Variants in AUH observed in about 807,000 individuals in gnomAD.
The protein encoded by AUH is AU RNA binding methylglutaconyl-CoA hydratase.
In AUH, 29 loss-of-function variants were observed where a neutral mutation model predicts 42.3. The ratio of observed to expected loss-of-function variants is 0.69; its 90% CI spans 0.51 to 0.93. The LOEUF (loss-of-function observed/expected upper bound fraction) is 0.93. Among genes scored for constraint, AUH ranks in the 40% least tolerant of loss-of-function variants. AUH has a pLI of 0.00. For missense variants in AUH, 452 were observed against 438.1 expected, an observed-to-expected ratio of 1.03 and a Z score of -0.28; for synonymous variants, 174 against 166.4, an observed-to-expected ratio of 1.05 and a Z score of -0.35.
chr9:91,216,240 G>T, intron 8 of AUH, 134 bp from the exon 9 acceptor site: 1 of 897,636 alleles, frequency 1.1e-6, no homozygotes, highest in Non-Finnish European at 1.8e-6. Context: ...ATCAGAGTGT[G>T]ACCAACATGA....
intron 6 of AUH, among the ~76,000 whole-genome samples, chr9:91,251,278 T>C (rs1181887181): frequency 6.6e-6 from 1 of 152,176 alleles, no homozygotes; most frequent in Admixed American, 6.5e-5. Context: ...TGAGCTCTTA[T>C]CAAGACATGA....
intron 6 of AUH, among the ~76,000 whole-genome samples, chr9:91,252,051 C>T (rs1164561983): frequency 1.3e-5 from 2 of 152,132 alleles, no homozygotes; most frequent in African/African-American, 4.8e-5. Context: ...ACTGCAACCT[C>T]CACCTCCCCG....
chr9:91,268,252 T>C (rs1395656717), intron 6 of AUH, among the ~76,000 whole-genome samples: 1 of 152,216 alleles, frequency 6.6e-6, no homozygotes, highest in African/African-American at 2.4e-5. Context: ...TTCAGCAGTA[T>C]TCCATAGGTC....
intron 4 of AUH, among the ~76,000 whole-genome samples, chr9:91,315,159 G>A (rs1315754431): frequency 3.3e-5 from 5 of 152,182 alleles, no homozygotes; most frequent in South Asian, 4.1e-4. Context: ...GGCTGGTCTC[G>A]AACTCCTGAC....
rs377282446 is a variant in AUH at position 91,259,179 on chromosome 9, A to C, written c.655+36842T>G. 7.9e-5 allele frequency among the ~76,000 whole-genome samples: 12 copies of C among 152,314 alleles called. No individual in the cohort carries two copies. The East Asian group carries it at 2.3e-3, about 29-fold the overall frequency. ...TCTTTGTGGAAAAATTCTTAATTAC[A>C]AATTCAATTTCTTAAAAAAGTACAG... On this transcript the variant is annotated intron_variant, in intron 6 of 9. Transcript: ENST00000375731.
At chr9:91,216,218 A>G (rs1826812744) in intron 8 of AUH, 112 bp from the exon 9 acceptor site, 2 of 1,051,408 alleles carry the variant, frequency 1.9e-6, no homozygotes, top group Admixed American at 1.9e-5. Flanking sequence ...ATCCTTTGAT[A>G]TAGTACAGCA....
intron 3 of AUH, among the ~76,000 whole-genome samples, chr9:91,332,831 C>T (rs1830429441): frequency 6.6e-6 from 1 of 152,156 alleles, no homozygotes; most frequent in African/African-American, 2.4e-5. Flanking sequence ...AAAATGGGGG[C>T]GTGAGCATGG....
At position 91,256,881 on chromosome 9, in the gene AUH, T is replaced by A. The variant is rs1025781098; in HGVS notation, c.656-35889A>T. ...GACCCTTACACAGAGAGACAGCCTATGAGGCAAAGACATGAGTTACGATTA... is the reference window on the plus strand; with the variant it reads ...GACCCTTACACAGAGAGACAGCCTAAGAGGCAAAGACATGAGTTACGATTA... On this transcript the variant is annotated intron_variant, in intron 6 of 9. Coordinates refer to ENST00000375731, the MANE Select transcript of AUH (RefSeq NM_001698.3). 1.2e-4 allele frequency among the ~76,000 whole-genome samples: 19 copies of A among 152,078 alleles called. 1 individual carries two copies. The highest frequency in any genetic ancestry group is 4.1e-4 in the African/African-American group (17 of 41,366).
At chr9:91,328,207 G>A (rs570176829) in intron 3 of AUH, among the ~76,000 whole-genome samples, 36 of 152,198 alleles carry the variant, frequency 2.4e-4, no homozygotes, top group Admixed American at 9.8e-4. Context: ...GCACTTACGC[G>A]CTCTCCTTGG....
At chr9:91,294,543 T>C in intron 6 of AUH, 1 of 364,118 alleles carries the variant, frequency 2.7e-6, no homozygotes, top group South Asian at 2.1e-5. Flanking sequence ...CGAGACTCCG[T>C]CTCAAAAAAA....
intron 3 of AUH, among the ~76,000 whole-genome samples, chr9:91,336,332 C>G (rs1261981212): frequency 2.6e-5 from 4 of 151,906 alleles, no homozygotes; most frequent in Non-Finnish European, 5.9e-5. Context: ...TGTTAACAGA[C>G]AGAAATAAAC....
chr9:91,253,623 G>A (rs1019323836), intron 6 of AUH, among the ~76,000 whole-genome samples: 1 of 152,154 alleles, frequency 6.6e-6, no homozygotes, highest in Non-Finnish European at 1.5e-5. Context: ...TGACTTTCAC[G>A]GGTTTGTGGC....
intron 4 of AUH, among the ~76,000 whole-genome samples, chr9:91,315,455 C>G (rs1412808643): frequency 2.0e-5 from 3 of 152,204 alleles, no homozygotes; most frequent in African/African-American, 7.2e-5. Flanking sequence ...CCCTTTACCC[C>G]ACCTTCCAAG....
intron 3 of AUH, among the ~76,000 whole-genome samples, chr9:91,328,181 G>GACATCAC (rs1830089384): frequency 6.6e-6 from 1 of 152,108 alleles, no homozygotes; most frequent in Non-Finnish European, 1.5e-5. Context: ...TCTCCTTGGG[G>GACATCAC]ACATCACTCA....
chr9:91,245,843 C>T (rs967397185), intron 6 of AUH, among the ~76,000 whole-genome samples: 1 of 152,088 alleles, frequency 6.6e-6, no homozygotes, highest in Non-Finnish European at 1.5e-5. Context: ...AGAGGGAGTG[C>T]ACCTTTGACC....
rs755037204 is a variant in AUH, at chr9:91,276,415, A to C, written c.655+19606T>G. Among the ~76,000 whole-genome samples the C allele has an allele frequency of 2.7e-3, 216 of 81,446 alleles. 1 individual carries two copies. The highest frequency in any genetic ancestry group is 0.011 in the African/African-American group (184 of 16,680). 53.4% of individuals were successfully genotyped at this position (81,446 alleles called of 152,430 possible). Reference sequence around the variant, plus strand: ...ATGACAGAGTAAGACCCTGTCTCCCAAAAAAAAAAAAAAAAGAGTATTGCA... The same window carrying C: ...ATGACAGAGTAAGACCCTGTCTCCCCAAAAAAAAAAAAAAAGAGTATTGCA... On this transcript the variant is annotated intron_variant, in intron 6 of 9. Transcript: ENST00000375731.
chr9:91,281,138 T>C (rs1825932283), intron 6 of AUH, among the ~76,000 whole-genome samples: 1 of 152,208 alleles, frequency 6.6e-6, no homozygotes, highest in Admixed American at 6.5e-5. Flanking sequence ...TCTGGAACAC[T>C]TGAGACACAA....
chr9:91,249,292 C>CAAAAAAAAAAAAAAAAAAGAAAAAAAAA (rs1828980424), intron 6 of AUH, among the ~76,000 whole-genome samples: 2 of 32,504 alleles, frequency 6.2e-5, no homozygotes, highest in Non-Finnish European at 1.2e-4. Context: ...GAACCTGTCT[C>CAAAAAAAAAAAAAAAAAAGAAAAAAAAA]AAAAAAAAAA....
intron 6 of AUH, among the ~76,000 whole-genome samples, chr9:91,257,036 G>A (rs542334873): frequency 6.6e-6 from 1 of 152,248 alleles, no homozygotes; most frequent in East Asian, 1.9e-4. Flanking sequence ...TGTTGCTCTT[G>A]TCTCTGAGGT....
Sources: gnomAD v4.1 joint callset for allele counts (sites outside exome capture counted in the v4.1 genomes callset) on GRCh38, gnomAD v4.1.1 for gene constraint, MANE v1.5 for transcripts, NCBI Gene and HGNC (gene_info 2026-07-23, HGNC 2026-07-21) for gene names.